Variants in DNAH11 observed in about 807,000 individuals in gnomAD.
The protein encoded by DNAH11 is axonemal beta dynein heavy chain 11.
Under a neutral mutation model 526.0 loss-of-function variants are expected in DNAH11, and 442 were observed. The ratio of observed to expected loss-of-function variants is 0.84; its 90% confidence interval spans 0.78 to 0.91. The LOEUF (loss-of-function observed/expected upper bound fraction) is 0.91, where lower values mean the gene tolerates loss of function less well. DNAH11 is among the 40% of genes least tolerant of loss of function. The pLI, the probability that DNAH11 is intolerant of heterozygous loss-of-function variation, is 0.00. For missense variants in DNAH11, 6,989 were observed against 5,448.7 expected, an observed-to-expected ratio of 1.28 and a Z score of -8.90; for synonymous variants, 2,461 against 1,935.9, an observed-to-expected ratio of 1.27 and a Z score of -7.12.
At chr7:21,782,690 T>G (rs1583689728) in intron 57 of DNAH11, among the ~76,000 whole-genome samples, 1 of 152,216 alleles carries the variant, frequency 6.6e-6, no homozygotes, top group African/African-American at 2.4e-5. Flanking sequence ...AGCAGGCGGA[T>G]AACTTGAGGT....
intron 28 of DNAH11, among the ~76,000 whole-genome samples, chr7:21,646,003 A>G (rs1054705621): frequency 3.9e-5 from 6 of 152,220 alleles, no homozygotes; most frequent in African/African-American, 1.4e-4. Flanking sequence ...TAAGAGAATA[A>G]CAATGCAAGC....
At chr7:21,543,687 G>T in intron 1 of DNAH11, 91 bp downstream of exon 1, 1 of 1,386,404 alleles carries the variant, frequency 7.2e-7, no homozygotes, top group Non-Finnish European at 9.7e-7. Context: ...CCCGCGGGGC[G>T]CTCACTCGGG....
At chr7:21,790,980 G>A (rs539541153) in intron 61 of DNAH11, among the ~76,000 whole-genome samples, 1 of 152,326 alleles carries the variant, frequency 6.6e-6, no homozygotes, top group Admixed American at 6.5e-5. Context: ...GAACCTAGAG[G>A]CAGGCAGACA....
At chr7:21,879,739 C>T (rs1360750470) in intron 74 of DNAH11, among the ~76,000 whole-genome samples, 1 of 152,066 alleles carries the variant, frequency 6.6e-6, no homozygotes, top group Non-Finnish European at 1.5e-5. Flanking sequence ...CCTGCCATAC[C>T]TAACTCAAGT....
intron 28 of DNAH11, among the ~76,000 whole-genome samples, chr7:21,642,710 T>C (rs1787182390): frequency 6.6e-6 from 1 of 152,150 alleles, no homozygotes; most frequent in Non-Finnish European, 1.5e-5. Flanking sequence ...GCGTCCCTCC[T>C]TTACTCACCC....
chr7:21,836,558 A>G (rs1039077605), intron 65 of DNAH11, among the ~76,000 whole-genome samples: 4 of 152,132 alleles, frequency 2.6e-5, no homozygotes, highest in African/African-American at 9.6e-5. Flanking sequence ...AAATGAAACT[A>G]GACCCCTGTT....
At chr7:21,642,531 T>G (rs951076237) in intron 28 of DNAH11, among the ~76,000 whole-genome samples, 1 of 152,186 alleles carries the variant, frequency 6.6e-6, no homozygotes, top group Non-Finnish European at 1.5e-5. Context: ...GACTTAGTCT[T>G]TCCGTCCATG....
intron 38 of DNAH11, 65 bp downstream of exon 38, chr7:21,704,693 T>A (rs539472421): frequency 1.9e-6 from 3 of 1,538,578 alleles, no homozygotes; most frequent in East Asian, 2.3e-5. Flanking sequence ...TTGTGGCTAA[T>A]TGATACTAAA....
At chr7:21,676,835 T>C (rs1459693935) in intron 30 of DNAH11, among the ~76,000 whole-genome samples, 1 of 152,238 alleles carries the variant, frequency 6.6e-6, no homozygotes, top group African/African-American at 2.4e-5. Flanking sequence ...TTGACCCAGA[T>C]GAGAAAATAT....
chr7:21,710,820 A>G, intron 41 of DNAH11, 117 bp downstream of exon 41: 2 of 1,029,298 alleles, frequency 1.9e-6, no homozygotes, highest in Non-Finnish European at 2.7e-6. Context: ...TCTTTATGTA[A>G]TTATTATTTT....
In DNAH11 at chr7:21,786,749, T is replaced by C. The variant is rs1237446961; in HGVS notation, c.9723T>C (p.Ala3241=). ...CCAAAGACCGAAGTTGGAAAGCAGC[T>C]AAAGTCTTCATGGGAAAGGTATCAG... The part of the protein sequence containing the change: ...RVPKDRSWKA[A]KVFMGKVDDF... Residue 3241 remains alanine, a synonymous_variant, in exon 59 of 82, where the codon GCT becomes GCC. Coordinates refer to ENST00000409508, the MANE Select transcript of DNAH11 (RefSeq NM_001277115.2). 1.2e-6 allele frequency: 2 copies of C among 1,613,802 alleles called. No individual in the cohort carries two copies. Among genetic ancestry groups the C allele is most frequent in the African/African-American group, 2.7e-5 (2 of 75,058 alleles).
chr7:21,838,059 A>G (rs1782062183), intron 65 of DNAH11, among the ~76,000 whole-genome samples: 1 of 152,236 alleles, frequency 6.6e-6, no homozygotes, highest in Non-Finnish European at 1.5e-5. Context: ...AGTGAATAGC[A>G]CTAACAAAGA....
intron 56 of DNAH11, 141 bp from the exon 57 acceptor site, chr7:21,778,817 A>G: frequency 1.0e-6 from 1 of 976,892 alleles, no homozygotes; most frequent in Non-Finnish European, 1.4e-6. Flanking sequence ...TTTGCAAATC[A>G]GAAGACAGTG....
At chr7:21,560,643 C>T (rs963484698) in intron 4 of DNAH11, among the ~76,000 whole-genome samples, 4 of 151,296 alleles carry the variant, frequency 2.6e-5, no homozygotes, top group Non-Finnish European at 4.4e-5. Context: ...GCTTTTCCAT[C>T]TTCTCCTGCC....
At position 21,599,906 on chromosome 7, in the gene DNAH11, C is replaced by T; in HGVS notation, c.2787C>T (p.Phe929=). ...FFQAIMHDLD[F]FLKNTEKQLK... is the part of the protein sequence containing the mutation. ...AGGCTATAATGCACGACTTAGACTTCTTTCTGAAGAATACAGAGAAACAAT... is the reference window on the plus strand; with the variant it reads ...AGGCTATAATGCACGACTTAGACTTTTTTCTGAAGAATACAGAGAAACAAT... The change falls in exon 15 of 82, where the codon TTC becomes TTT. Residue 929 remains phenylalanine, a synonymous_variant. Coordinates refer to ENST00000409508, the MANE Select transcript of DNAH11 (RefSeq NM_001277115.2). The T allele has an allele frequency of 1.2e-6, 2 of 1,612,430 alleles. No individual in the cohort carries two copies. Among genetic ancestry groups the T allele is most frequent in the Non-Finnish European group, 1.7e-6 (2 of 1,179,024 alleles).
intron 68 of DNAH11, 98 bp downstream of exon 68, chr7:21,854,553 A>T: frequency 8.1e-7 from 1 of 1,232,534 alleles, no homozygotes; most frequent in Non-Finnish European, 1.1e-6. Context: ...AATAATAACT[A>T]TTATTACTAT....
intron 54 of DNAH11, among the ~76,000 whole-genome samples, chr7:21,754,090 GTTA>G (rs770595383): frequency 2.2e-4 from 34 of 152,128 alleles, no homozygotes; most frequent in Non-Finnish European, 4.9e-4. Context: ...TGTCTCTCCT[GTTA>G]TTCTGTTTTT....
intron 46 of DNAH11, among the ~76,000 whole-genome samples, chr7:21,738,212 C>A (rs777692123): frequency 6.6e-6 from 1 of 152,120 alleles, no homozygotes; most frequent in African/African-American, 2.4e-5. Flanking sequence ...TAGTGACTAC[C>A]TTGTGGATAG....
chr7:21,852,710 C>G, intron 67 of DNAH11, 79 bp downstream of exon 67: 1 of 1,431,178 alleles, frequency 7.0e-7, no homozygotes, highest in Non-Finnish European at 9.3e-7. Context: ...TGTGATCAGA[C>G]TTGGTAATTC....
Sources: gnomAD v4.1 joint callset for allele counts (sites outside exome capture counted in the v4.1 genomes callset) on GRCh38, gnomAD v4.1.1 for gene constraint, MANE v1.5 for transcripts, NCBI Gene and HGNC (gene_info 2026-07-23, HGNC 2026-07-21) for gene names.